RET: variants seen among roughly 807,000 people sequenced by gnomAD.
The protein encoded by RET is proto-oncogene tyrosine-protein kinase receptor Ret.
RET carries 19 observed loss-of-function variants against 118.3 expected under a neutral mutation model. The ratio of observed to expected loss-of-function variants is 0.16; its 90% confidence interval spans 0.11 to 0.24. The LOEUF is 0.24. Among genes scored for constraint, RET ranks in the 10% least tolerant of loss-of-function variants. RET has a pLI of 1.00. For missense variants in RET, 1,219 were observed against 1,502.1 expected (o/e 0.81, Z 3.12); for synonymous variants, 597 against 644.1 (o/e 0.93, Z 1.11).
In RET at chr10:43,106,187, G is replaced by A. The variant is rs1170660560; in HGVS notation, c.868-189G>A. Among the ~76,000 whole-genome samples the A allele has an allele frequency of 2.0e-5, 3 of 152,220 alleles. No homozygotes were observed. The highest frequency in any genetic ancestry group is 4.8e-5 in the African/African-American group (2 of 41,454). ...GGCTCAGTGGCTCAGGGAAGGTGAC[G>A]GCCAGGCTGGCCAGTGACCCCGTGG... On this transcript the variant is annotated intron_variant, in intron 4 of 19. Coordinates refer to ENST00000355710, the MANE Select transcript of RET (RefSeq NM_020975.6). The surrounding 1 kb of genome is among the most constrained non-coding windows in gnomAD (Gnocchi z 5.1).
At chr10:43,077,496 CGGGCGAA>C (rs988653568) in intron 1 of RET, among the ~76,000 whole-genome samples, 165 bp downstream of exon 1, 11 of 147,742 alleles carry the variant, frequency 7.4e-5, no homozygotes, top group South Asian at 4.4e-4. Flanking sequence ...CGGCGGGCGG[CGGGCGAA>C]GGGCAGGACG....
At chr10:43,084,716 G>T (rs1289030500) in intron 1 of RET, among the ~76,000 whole-genome samples, 1 of 152,192 alleles carries the variant, frequency 6.6e-6, no homozygotes, top group South Asian at 2.1e-4. Flanking sequence ...AATCACCACT[G>T]CCCTCGAGGA....
intron 16 of RET, among the ~76,000 whole-genome samples, chr10:43,122,282 C>T (rs925368098): frequency 3.3e-5 from 5 of 152,190 alleles, no homozygotes; most frequent in African/African-American, 4.8e-5. Context: ...GTAACCCAGC[C>T]TCCCCCACCC....
At chr10:43,102,227 T>C in intron 2 of RET, 115 bp from the exon 3 acceptor site, 1 of 1,340,342 alleles carries the variant, frequency 7.5e-7, no homozygotes. Flanking sequence ...CTGAGCCTTG[T>C]GGACCTTGGT....
intron 19 of RET, among the ~76,000 whole-genome samples, chr10:43,127,842 C>T (rs753265808): frequency 3.3e-5 from 5 of 151,912 alleles, no homozygotes; most frequent in African/African-American, 9.7e-5. Flanking sequence ...TTAAGCAGTT[C>T]GACAAATATA....
rs1837738287 is a variant in RET, at chr10:43,105,146, G to A, written c.820G>A (p.Ala274Thr). 6.8e-6 allele frequency: 11 copies of A among 1,612,656 alleles called. No individual in the cohort carries two copies. The highest frequency in any genetic ancestry group is 9.3e-6 in the Non-Finnish European group (11 of 1,179,856). Residue 274 changes from alanine to threonine, a missense_variant, in exon 4 of 20, where the codon GCG (alanine) becomes ACG (threonine). Ala to Thr is a moderately conservative substitution (Grantham distance 58, BLOSUM62 0). This residue lies in a region of RET where 850 missense variants were observed against 969.6 expected (regional missense o/e 0.88). Coordinates refer to ENST00000355710, the MANE Select transcript of RET (RefSeq NM_020975.6). Reference protein sequence around the residue: ...DEDDSAPTFPAGVDTASAVVE... With the variant: ...DEDDSAPTFPTGVDTASAVVE... ...GGACGACTCGGCGCCCACCTTCCCC[G>A]CGGGCGTCGACACCGCCAGCGCCGT...
chr10:43,092,524 C>T (rs1837432092), intron 1 of RET, among the ~76,000 whole-genome samples: 1 of 152,198 alleles, frequency 6.6e-6, no homozygotes, highest in Admixed American at 6.5e-5. Flanking sequence ...TTTATATACA[C>T]CTCCAAATTT....
chr10:43,095,996 G>A (rs2132626755), intron 1 of RET, among the ~76,000 whole-genome samples: 1 of 152,304 alleles, frequency 6.6e-6, no homozygotes, highest in Middle Eastern at 3.4e-3. Flanking sequence ...ACCGTCGGTG[G>A]GTGTGGTGTG....
chr10:43,112,336 T>G, intron 8 of RET, 112 bp downstream of exon 8: 1 of 1,465,752 alleles, frequency 6.8e-7, no homozygotes, highest in Non-Finnish European at 9.3e-7. Context: ...GGTCTGCTTC[T>G]GGCACCTCAT....
At position 43,077,240 on chromosome 10, in the gene RET, GC is replaced by G; in HGVS notation, c.-15del. ...CCTAGCCGCAGTCCCTCCAGCCGTG[GC>G]CCCAGCGCGCACGGGCGATGGCGAA... On this transcript the variant is annotated 5_prime_UTR_variant, in exon 1 of 20. Transcript: ENST00000355710. 1.3e-6 allele frequency: 2 copies of G among 1,495,370 alleles called. No individual in the cohort carries two copies. The highest frequency in any genetic ancestry group is 2.1e-5 in the Admixed American group (1 of 47,100). The allele number at this position is 1,495,370 out of a possible 1,614,324, so 92.6% of individuals were successfully genotyped here. A position where few individuals can be genotyped will look rare whatever the true frequency, so the allele number is the denominator to read the frequency against.
intron 1 of RET, among the ~76,000 whole-genome samples, chr10:43,081,462 G>A (rs1864407): frequency 6.6e-6 from 1 of 152,136 alleles, no homozygotes; most frequent in African/African-American, 2.4e-5. Context: ...CCCTGTGTAG[G>A]GACTTCCGCA....
rs1441868153 is a variant in RET at position 43,091,524 on chromosome 10, G to C, written c.74-8935G>C. Reference sequence around the variant, plus strand: ...CAGGTGGCTGTAATCCCAGCTACTTGGGAGGCTGAGGCAGGAGAATCGCTT... The same window carrying C: ...CAGGTGGCTGTAATCCCAGCTACTTCGGAGGCTGAGGCAGGAGAATCGCTT... On this transcript the variant is annotated intron_variant, in intron 1 of 19. Transcript: ENST00000355710. Among the ~76,000 whole-genome samples, 4 of 151,900 alleles carry C rather than the reference G, an allele frequency of 2.6e-5. No homozygotes were observed. The East Asian group carries it at 7.7e-4, about 29-fold the overall frequency.
intron 5 of RET, 107 bp from the exon 6 acceptor site, chr10:43,108,924 C>A: frequency 9.2e-7 from 1 of 1,088,418 alleles, no homozygotes; most frequent in Non-Finnish European, 1.4e-6. Flanking sequence ...TGTGAAAGTG[C>A]GTGTTTGCAC....
At chr10:43,125,756 C>T (rs774371336) in intron 18 of RET, among the ~76,000 whole-genome samples, 2 of 152,218 alleles carry the variant, frequency 1.3e-5, no homozygotes, top group Non-Finnish European at 2.9e-5. Flanking sequence ...AACATTGGCA[C>T]ATTTACTGAG....
In RET at chr10:43,116,669, C is replaced by G. The variant is rs761397627; in HGVS notation, c.2222C>G (p.Ala741Gly). The change falls in exon 12 of 20, where the codon GCA becomes GGA. Residue 741 changes from alanine (A) to glycine (G), a missense_variant. Transcript: ENST00000355710. ...GEGEFGKVVK[A>G]TAFHLKGRAG... ...GGCGAATTTGGAAAAGTGGTCAAGG[C>G]AACGGCCTTCCATCTGAAAGGCAGA... 2 of 1,614,174 alleles carry G rather than the reference C, an allele frequency of 1.2e-6. No individual in the cohort carries two copies. The highest frequency in any genetic ancestry group is 4.5e-5 in the East Asian group (2 of 44,860).
rs745469112 is a variant in RET at position 43,128,194 on chromosome 10, T to C, written c.3270T>C (p.Tyr1090=). The change falls in exon 20 of 20, where the codon TAT becomes TAC. Residue 1090 remains tyrosine (Y), a synonymous_variant. Coordinates refer to ENST00000355710, the MANE Select transcript of RET (RefSeq NM_020975.6). ...GCACTAACACTGGGTTTCCAAGATA[T>C]CCAAATGATAGTGTATATGCTAACT... The part of the protein sequence containing the change: ...ADGTNTGFPR[Y]PNDSVYANWM... 6.2e-7 allele frequency: 1 copy of C among 1,614,184 alleles called. No homozygotes were observed. The highest frequency in any genetic ancestry group is 1.1e-5 in the South Asian group (1 of 91,088).
Position 43,116,671 on chromosome 10 carries a change from A to G in RET, c.2224A>G (p.Thr742Ala), listed in dbSNP as rs552131086. The change falls in exon 12 of 20, where the codon ACG (threonine) becomes GCG (alanine). Residue 742 changes from threonine to alanine, a missense_variant. Coordinates refer to ENST00000355710, the MANE Select transcript of RET (RefSeq NM_020975.6). ...CGAATTTGGAAAAGTGGTCAAGGCA[A>G]CGGCCTTCCATCTGAAAGGCAGAGC... ...EGEFGKVVKA[T>A]AFHLKGRAGY... 6 of 1,613,418 alleles carry G rather than the reference A, an allele frequency of 3.7e-6. No individual in the cohort carries two copies. The highest frequency in any genetic ancestry group is 3.3e-5 in the South Asian group (3 of 91,076).
intron 1 of RET, among the ~76,000 whole-genome samples, chr10:43,077,956 TC>T (rs1440051372): frequency 6.6e-6 from 1 of 152,150 alleles, no homozygotes; most frequent in Non-Finnish European, 1.5e-5. Flanking sequence ...GTGATAGGCG[TC>T]CCACCCGGCA....
intron 15 of RET, among the ~76,000 whole-genome samples, 188 bp downstream of exon 15, chr10:43,120,391 G>A (rs1450757745): frequency 1.3e-5 from 2 of 152,202 alleles, no homozygotes; most frequent in Non-Finnish European, 2.9e-5. Context: ...CTCAGCCTCT[G>A]CCATGTCCTT....
Sources: allele counts gnomAD v4.1 joint callset (sites outside exome capture counted in the v4.1 genomes callset), GRCh38; gene constraint gnomAD v4.1.1; regional missense constraint gnomAD v4.1.1; non-coding constraint Gnocchi (gnomAD v3.1); transcripts MANE v1.5; gene names NCBI Gene and HGNC (gene_info 2026-07-23, HGNC 2026-07-21).